SLC39A11: variants seen among roughly 807,000 people sequenced by gnomAD.
The protein encoded by SLC39A11 is zinc transporter ZIP11.
In SLC39A11, 33 loss-of-function variants were observed where a neutral mutation model predicts 36.1. That is an observed-to-expected ratio of 0.91 (90% CI 0.69 to 1.22). The LOEUF is 1.22. SLC39A11 is among the 50% of genes most tolerant of loss of function. The pLI, the probability that SLC39A11 is intolerant of heterozygous loss-of-function variation, is 0.00. For missense variants in SLC39A11, 432 were observed against 430.3 expected (o/e 1.00, Z -0.03); for synonymous variants, 166 against 170.3 (o/e 0.97, Z 0.20).
intron 6 of SLC39A11, among the ~76,000 whole-genome samples, chr17:72,816,395 GA>G (rs1555680655): frequency 6.1e-5 from 9 of 147,746 alleles, no homozygotes; most frequent in Admixed American, 2.7e-4. Context: ...TCCTGCCAGG[GA>G]AAAAAAAAAC....
intron 7 of SLC39A11, among the ~76,000 whole-genome samples, chr17:72,708,631 G>A (rs1234166326): frequency 6.6e-6 from 1 of 152,182 alleles, no homozygotes; most frequent in Non-Finnish European, 1.5e-5. Context: ...GAAGACCCAT[G>A]GCCACAGCAT....
chr17:72,965,849 C>T (rs1011189269), intron 4 of SLC39A11, among the ~76,000 whole-genome samples: 1 of 152,172 alleles, frequency 6.6e-6, no homozygotes. Context: ...AGATACCTGA[C>T]CTTGTCACTT....
chr17:72,954,333 C>T (rs1019673461), intron 4 of SLC39A11, among the ~76,000 whole-genome samples: 1 of 152,236 alleles, frequency 6.6e-6, no homozygotes, highest in Non-Finnish European at 1.5e-5. Flanking sequence ...CAAGTCAGAG[C>T]TCCCTGAGGA....
At chr17:72,671,188 T>C (rs2071008496) in intron 7 of SLC39A11, among the ~76,000 whole-genome samples, 1 of 152,146 alleles carries the variant, frequency 6.6e-6, no homozygotes, top group South Asian at 2.1e-4. Context: ...TAACAGCATC[T>C]CCACCAATGA....
intron 7 of SLC39A11, among the ~76,000 whole-genome samples, chr17:72,699,070 C>T (rs1332413539): frequency 1.3e-5 from 2 of 152,130 alleles, no homozygotes; most frequent in Non-Finnish European, 2.9e-5. Flanking sequence ...ACCTTGTGAT[C>T]TGCCCGCCTT....
chr17:72,949,950 GACACAC>G (rs67207508), intron 4 of SLC39A11, among the ~76,000 whole-genome samples: 25,480 of 145,978 alleles, frequency 0.17, 2,256 homozygotes, highest in East Asian at 0.25. Context: ...AGGCTGCTGT[GACACAC>G]ACACACACAC....
At chr17:72,909,580 G>C (rs1421343033) in intron 5 of SLC39A11, among the ~76,000 whole-genome samples, 1 of 152,158 alleles carries the variant, frequency 6.6e-6, no homozygotes, top group Non-Finnish European at 1.5e-5. Context: ...GTCTATTTGT[G>C]TCTTTTTGTT....
At chr17:73,004,997 T>TGTTA (rs2148440470) in intron 4 of SLC39A11, among the ~76,000 whole-genome samples, 1 of 152,240 alleles carries the variant, frequency 6.6e-6, no homozygotes, top group South Asian at 2.1e-4. Context: ...TTTGTTTGTT[T>TGTTA]GTTTGTTTGT....
At chr17:72,684,841 T>C (rs961254760) in intron 7 of SLC39A11, among the ~76,000 whole-genome samples, 3 of 152,178 alleles carry the variant, frequency 2.0e-5, no homozygotes, top group Non-Finnish European at 4.4e-5. Flanking sequence ...TGGTGCTCTG[T>C]GTGGGTGCCC....
At chr17:72,711,900 C>T (rs2073118224) in intron 7 of SLC39A11, among the ~76,000 whole-genome samples, 1 of 152,172 alleles carries the variant, frequency 6.6e-6, no homozygotes, top group African/African-American at 2.4e-5. Context: ...CAGACTTGTG[C>T]AAGAAAAGAA....
intron 6 of SLC39A11, among the ~76,000 whole-genome samples, chr17:72,818,304 G>C (rs2077650253): frequency 6.6e-6 from 1 of 152,172 alleles, no homozygotes; most frequent in African/African-American, 2.4e-5. Flanking sequence ...TGAGGTTCTT[G>C]TCTGAAAGCC....
chr17:72,673,793 A>T (rs1286110060), intron 7 of SLC39A11, among the ~76,000 whole-genome samples: 1 of 152,156 alleles, frequency 6.6e-6, no homozygotes, highest in East Asian at 1.9e-4. Context: ...GGCCGGGCAC[A>T]GTGGCTCACA....
chr17:72,931,667 G>A (rs183520522), intron 5 of SLC39A11, among the ~76,000 whole-genome samples: 3 of 152,316 alleles, frequency 2.0e-5, no homozygotes, highest in Admixed American at 1.3e-4. Context: ...CATGACGAAA[G>A]TCTTAGCAAG....
At chr17:72,724,851 TCCAGCCCACCAGTC>T (rs1267190721) in intron 7 of SLC39A11, among the ~76,000 whole-genome samples, 2 of 152,052 alleles carry the variant, frequency 1.3e-5, no homozygotes, top group Non-Finnish European at 2.9e-5. Context: ...CAAAGTCATG[TCCAGCCCACCAGTC>T]CTACAAATTC....
At chr17:72,657,654 T>C (rs965874251) in intron 7 of SLC39A11, among the ~76,000 whole-genome samples, 2 of 152,196 alleles carry the variant, frequency 1.3e-5, no homozygotes, top group African/African-American at 4.8e-5. Flanking sequence ...ACTTACTCAG[T>C]GCTAAACCTG....
intron 4 of SLC39A11, among the ~76,000 whole-genome samples, chr17:73,013,000 T>A (rs2090608380): frequency 6.6e-6 from 1 of 152,142 alleles, no homozygotes; most frequent in Non-Finnish European, 1.5e-5. Context: ...GATTTTACCA[T>A]GTTGGCCAGG....
chr17:72,757,643 ATTTT>A (rs568776835), intron 6 of SLC39A11, among the ~76,000 whole-genome samples: 1 of 140,778 alleles, frequency 7.1e-6, no homozygotes. Context: ...TGTCTGGCAC[ATTTT>A]TTTTTTTTTT....
chr17:72,700,803 CA>C (rs2072573572), intron 7 of SLC39A11, among the ~76,000 whole-genome samples: 1 of 152,178 alleles, frequency 6.6e-6, no homozygotes, highest in Non-Finnish European at 1.5e-5. Flanking sequence ...GAGTGACAGC[CA>C]AGCGAAACGG....
chr17:73,074,202 C>T (rs1054739367), intron 3 of SLC39A11, among the ~76,000 whole-genome samples: 14 of 152,142 alleles, frequency 9.2e-5, no homozygotes, highest in African/African-American at 3.1e-4. Context: ...TCAATGACTG[C>T]TCCCTCCCCT....
Sources: gnomAD v4.1 joint callset for allele counts (sites outside exome capture counted in the v4.1 genomes callset) on GRCh38, gnomAD v4.1.1 for gene constraint, MANE v1.5 for transcripts, NCBI Gene and HGNC (gene_info 2026-07-23, HGNC 2026-07-21) for gene names.